The following SOX5 variants were observed in gnomAD, a reference collection of about 807,000 sequenced individuals.
SOX5 encodes the protein SRY-box transcription factor 5, also known as transcription factor SOX-5.
A neutral mutation model predicts 92.0 loss-of-function variants in SOX5; 9 were observed. That is an observed-to-expected ratio of 0.10 (90% CI 0.06 to 0.17). The LOEUF (loss-of-function observed/expected upper bound fraction) is 0.17, where lower values mean the gene tolerates loss of function less well. Among genes scored for constraint, SOX5 ranks in the 10% least tolerant of loss-of-function variants. SOX5 has a pLI of 1.00. For missense variants in SOX5, 642 were observed against 944.5 expected, an observed-to-expected ratio of 0.68 and a Z score of 4.20; for synonymous variants, 344 against 336.3, an observed-to-expected ratio of 1.02 and a Z score of -0.25.
chr12:24,121,261 A>C lies in SOX5; in HGVS notation c.-2+92082T>G, dbSNP rs542275471. ...GATCCATGAATATGAGCATTCTTCC[A>C]AAAGTTCATGGAAAATGTGCATTAC... On this transcript the variant is annotated intron_variant, in intron 4 of 4. Coordinates refer to the SOX5 transcript ENST00000446891. 4.6e-5 allele frequency among the ~76,000 whole-genome samples: 7 copies of C among 152,378 alleles called. No individual in the cohort carries two copies. In the South Asian group the frequency reaches 1.4e-3, roughly 32 times the overall value.
At chr12:23,929,711 A>T (rs1241240842) in intron 1 of SOX5, among the ~76,000 whole-genome samples, 3 of 151,888 alleles carry the variant, frequency 2.0e-5, no homozygotes, top group Non-Finnish European at 2.9e-5. Context: ...TAATTTTTTT[A>T]AAAAATACGT....
chr12:23,530,818 T>TGTGTGTGTGTGCGCGCGCGC lies in SOX5; in HGVS notation c.*3400_*3401insGCGCGCGCGCACACACACAC. On this transcript the variant is annotated 3_prime_UTR_variant, in exon 15 of 15. Transcript: ENST00000451604. ...GGGCAAGTGTGTGTGTGTGTGTGTGTGCGCGCGCGCGCGCGCGCATGTGAG... is the reference window on the plus strand; with the variant it reads ...GGGCAAGTGTGTGTGTGTGTGTGTGTGTGTGTGTGTGCGCGCGCGCGCGCGCGCGCGCGCGCGCATGTGAG... 4 of 132,118 alleles carry TGTGTGTGTGTGCGCGCGCGC rather than the reference T, an allele frequency of 3.0e-5. No homozygotes were observed. The highest frequency in any genetic ancestry group is 4.7e-3 in the Middle Eastern group (1 of 212). 8.2% of individuals were successfully genotyped at this position (132,118 alleles called of 1,614,324 possible). A position where few individuals can be genotyped will look rare whatever the true frequency, so the allele number is the denominator to read the frequency against.
chr12:23,623,655 A>C (rs975299813), intron 8 of SOX5, among the ~76,000 whole-genome samples: 1 of 152,170 alleles, frequency 6.6e-6, no homozygotes, highest in South Asian at 2.1e-4. Flanking sequence ...TCTTATTCAC[A>C]TTTCTACAAA....
At chr12:23,855,444 C>T (rs557835117) in intron 2 of SOX5, among the ~76,000 whole-genome samples, 1 of 152,088 alleles carries the variant, frequency 6.6e-6, no homozygotes, top group South Asian at 2.1e-4. Flanking sequence ...AGTTACTACT[C>T]ATTATGAAAT....
chr12:24,359,665 G>A (rs950356738), intron 2 of SOX5, among the ~76,000 whole-genome samples: 1 of 152,148 alleles, frequency 6.6e-6, no homozygotes, highest in Non-Finnish European at 1.5e-5. Flanking sequence ...CAGAAACCCT[G>A]CTTTTGCATG....
chr12:24,251,466 G>A (rs1940020681), intron 3 of SOX5, among the ~76,000 whole-genome samples: 2 of 151,906 alleles, frequency 1.3e-5, no homozygotes, highest in African/African-American at 2.4e-5. Context: ...TATTTCTTAG[G>A]GTCAGACAGT....
intron 6 of SOX5, among the ~76,000 whole-genome samples, chr12:23,726,903 C>T (rs2093164449): frequency 6.6e-6 from 1 of 152,108 alleles, no homozygotes; most frequent in Non-Finnish European, 1.5e-5. Flanking sequence ...AGTTTACATG[C>T]AGATCTCTCT....
At chr12:23,715,216 G>A (rs897869213) in intron 6 of SOX5, among the ~76,000 whole-genome samples, 2 of 151,682 alleles carry the variant, frequency 1.3e-5, no homozygotes, top group African/African-American at 2.4e-5. Flanking sequence ...GGAGAATGGC[G>A]TGAACCCAGG....
intron 9 of SOX5, among the ~76,000 whole-genome samples, chr12:23,599,970 T>C (rs896426128): frequency 2.0e-5 from 3 of 152,310 alleles, no homozygotes; most frequent in Admixed American, 6.5e-5. Flanking sequence ...TGAATAAATA[T>C]GTGGTGCAAA....
intron 2 of SOX5, among the ~76,000 whole-genome samples, chr12:23,849,388 A>G (rs1294549397): frequency 2.0e-5 from 3 of 152,220 alleles, no homozygotes; most frequent in Admixed American, 2.0e-4. Flanking sequence ...ACATGTATTA[A>G]CTCAATCTTC....
intron 4 of SOX5, among the ~76,000 whole-genome samples, chr12:24,190,259 C>T (rs1430534155): frequency 1.3e-5 from 2 of 152,146 alleles, no homozygotes; most frequent in Non-Finnish European, 2.9e-5. Context: ...AAAGAAGACC[C>T]TGTGTCATTT....
intron 1 of SOX5, among the ~76,000 whole-genome samples, chr12:24,509,944 T>C (rs888610119): frequency 2.0e-5 from 3 of 152,258 alleles, no homozygotes; most frequent in Non-Finnish European, 4.4e-5. Context: ...GTTACTTTTA[T>C]GGATAAATTT....
chr12:23,821,147 G>A (rs571199839), intron 3 of SOX5, among the ~76,000 whole-genome samples: 1 of 152,174 alleles, frequency 6.6e-6, no homozygotes, highest in Non-Finnish European at 1.5e-5. Flanking sequence ...CACATCCCTT[G>A]TAAGTTGTAT....
At chr12:24,147,692 TAG>T (rs1293644828) in intron 4 of SOX5, among the ~76,000 whole-genome samples, 1 of 152,152 alleles carries the variant, frequency 6.6e-6, no homozygotes, top group Non-Finnish European at 1.5e-5. Context: ...ATAAAGCTAC[TAG>T]AGCTAATGAG....
At chr12:24,316,415 A>G (rs1416969361) in intron 2 of SOX5, among the ~76,000 whole-genome samples, 2 of 152,188 alleles carry the variant, frequency 1.3e-5, no homozygotes, top group Non-Finnish European at 2.9e-5. Context: ...TGATATTGGC[A>G]CAAGTTATCT....
In SOX5 at chr12:24,324,369, A is replaced by G. The variant is rs77411793; in HGVS notation, c.-174+44194T>C. Among the ~76,000 whole-genome samples, 853 of 152,184 alleles carry G rather than the reference A, an allele frequency of 5.6e-3. 10 individuals are homozygous for G. The highest frequency in any genetic ancestry group is 0.02 in the African/African-American group (818 of 41,532). On this transcript the variant is annotated intron_variant, in intron 2 of 4. Coordinates refer to the SOX5 transcript ENST00000446891. ...TATTAAACTGATTCCAAGACAAGCT[A>G]TCTTCTGTCTCTGATCAGACGTCTG...
rs144869030 is a variant in SOX5, at chr12:24,358,535, C to T, written c.-174+10028G>A. Among the ~76,000 whole-genome samples, 451 of 151,982 alleles carry T rather than the reference C, an allele frequency of 3.0e-3. 3 individuals are homozygous for T. Among genetic ancestry groups the T allele is most frequent in the Non-Finnish European group, 4.7e-3 (320 of 67,968 alleles). On this transcript the variant is annotated intron_variant, in intron 2 of 4. Transcript: ENST00000446891. Reference sequence around the variant, plus strand: ...GCTGAGGCAGAAGAATGGTGTGAACCCAAGAGGTGGAGCTTGCAGTGAGCC... The same window carrying T: ...GCTGAGGCAGAAGAATGGTGTGAACTCAAGAGGTGGAGCTTGCAGTGAGCC...
intron 2 of SOX5, among the ~76,000 whole-genome samples, chr12:24,346,516 A>T (rs1465555501): frequency 6.8e-6 from 1 of 146,358 alleles, no homozygotes; most frequent in African/African-American, 2.6e-5. Context: ...CAGTGGCGTG[A>T]TATCAGCTCA....
chr12:23,860,912 G>A (rs759833374), intron 2 of SOX5, among the ~76,000 whole-genome samples: 37 of 129,000 alleles, frequency 2.9e-4, no homozygotes, highest in Non-Finnish European at 4.4e-4. Context: ...AAAGTTTATC[G>A]TTATTTATAA....
Sources: gnomAD v4.1 joint callset for allele counts (sites outside exome capture counted in the v4.1 genomes callset) on GRCh38, gnomAD v4.1.1 for gene constraint, MANE v1.5 for transcripts, NCBI Gene and HGNC (gene_info 2026-07-23, HGNC 2026-07-21) for gene names.